The following PTPRN2 variants were observed in gnomAD, a reference collection of about 807,000 sequenced individuals.
PTPRN2 encodes protein tyrosine phosphatase receptor type N2.
In PTPRN2, 74 loss-of-function variants were observed where a neutral mutation model predicts 118.8. The ratio of observed to expected loss-of-function variants is 0.62; its 90% CI spans 0.52 to 0.76. PTPRN2 has a LOEUF of 0.76. Among genes scored for constraint, PTPRN2 ranks in the 30% least tolerant of loss-of-function variants. PTPRN2 has a pLI of 0.00. For synonymous variants in PTPRN2, 641 were observed against 608.0 expected (o/e 1.05, Z -0.80); for missense variants, 1,481 against 1,394.4 (o/e 1.06, Z -0.99).
At chr7:158,380,328 A>G (rs946239049) in intron 2 of PTPRN2, among the ~76,000 whole-genome samples, 12 of 152,236 alleles carry the variant, frequency 7.9e-5, no homozygotes, top group African/African-American at 2.2e-4. Flanking sequence ...TCCTAGACAT[A>G]ATGGAGGCAT....
At chr7:157,943,519 A>C in intron 11 of PTPRN2, among the ~76,000 whole-genome samples, 1 of 151,766 alleles carries the variant, frequency 6.6e-6, no homozygotes, top group South Asian at 2.1e-4. Flanking sequence ...CTGCTCCTGG[A>C]CCTGTTGGTT....
intron 15 of PTPRN2, among the ~76,000 whole-genome samples, chr7:157,614,705 G>A (rs2150614138): frequency 6.6e-6 from 1 of 152,314 alleles, no homozygotes; most frequent in African/African-American, 2.4e-5. Flanking sequence ...GGCCTCTAGA[G>A]AGGCCAGTAA....
chr7:157,721,682 G>C (rs6964623), intron 12 of PTPRN2, among the ~76,000 whole-genome samples: 85,823 of 151,494 alleles, frequency 0.57, 25,260 homozygotes, highest in Non-Finnish European at 0.62. Context: ...TGTGTGTCTC[G>C]ACACTGTGGC....
chr7:157,556,970 C>T (rs1194855319), intron 21 of PTPRN2, among the ~76,000 whole-genome samples: 1 of 151,540 alleles, frequency 6.6e-6, no homozygotes, highest in Non-Finnish European at 1.5e-5. Flanking sequence ...CATATGCACA[C>T]ACATGCACAC....
At chr7:158,533,968 C>A (rs1225438114) in intron 1 of PTPRN2, among the ~76,000 whole-genome samples, 1 of 152,358 alleles carries the variant, frequency 6.6e-6, no homozygotes, top group Non-Finnish European at 1.5e-5. Context: ...CAGGGGCTAC[C>A]CTCCCTGGGC....
chr7:158,002,398 C>T (rs911955851), intron 11 of PTPRN2, among the ~76,000 whole-genome samples: 6 of 152,110 alleles, frequency 3.9e-5, no homozygotes, highest in Admixed American at 2.0e-4. Flanking sequence ...TCCAGTTTCA[C>T]GGTGAGGGGA....
intron 12 of PTPRN2, among the ~76,000 whole-genome samples, chr7:157,788,521 C>T (rs1269913854): frequency 2.6e-5 from 4 of 152,206 alleles, no homozygotes; most frequent in Non-Finnish European, 2.9e-5. Flanking sequence ...CAGGCCTCCA[C>T]GGGGCTGGAG....
At chr7:158,078,147 A>C (rs950237081) in intron 11 of PTPRN2, among the ~76,000 whole-genome samples, 2 of 152,174 alleles carry the variant, frequency 1.3e-5, no homozygotes, top group Admixed American at 1.3e-4. Context: ...TTTGATGGGG[A>C]CTAATGTGGG....
At position 157,769,066 on chromosome 7, in the gene PTPRN2, C is replaced by A. The variant is rs187157040; in HGVS notation, c.1789-86129G>T. On this transcript the variant is annotated intron_variant, in intron 12 of 22. Transcript: ENST00000389418. ...TGTTGGCATAATTTTTCATGATCAT[C>A]TTCATTAACCACAGCGAACGGGAGG... 2.9e-3 allele frequency among the ~76,000 whole-genome samples: 440 copies of A among 152,302 alleles called. 2 individuals are homozygous for A. Among genetic ancestry groups the A allele is most frequent in the South Asian group, 6.8e-3 (33 of 4,818 alleles).
chr7:158,262,488 CACAT>C (rs1223688159), intron 3 of PTPRN2, among the ~76,000 whole-genome samples: 6 of 129,106 alleles, frequency 4.6e-5, no homozygotes, highest in East Asian at 2.3e-4. Context: ...ACGCTGCACA[CACAT>C]ACATGCACAC....
At chr7:157,701,483 C>T (rs771000470) in intron 12 of PTPRN2, among the ~76,000 whole-genome samples, 1 of 152,326 alleles carries the variant, frequency 6.6e-6, no homozygotes, top group South Asian at 2.1e-4. Flanking sequence ...TCACAGGCAT[C>T]GTGTGAGCAC....
chr7:157,648,402 A>T (rs1585167271), intron 14 of PTPRN2, among the ~76,000 whole-genome samples: 2 of 109,218 alleles, frequency 1.8e-5, no homozygotes, highest in East Asian at 1.0e-3. Flanking sequence ...GGTCGGACCC[A>T]TTCACTGTGC....
intron 6 of PTPRN2, among the ~76,000 whole-genome samples, chr7:158,148,508 C>G (rs373469754): frequency 0.029 from 2,504 of 87,816 alleles, no homozygotes; most frequent in Non-Finnish European, 0.038. Context: ...GTCTTTCCCC[C>G]TCACTGACAC....
intron 13 of PTPRN2, among the ~76,000 whole-genome samples, chr7:157,659,866 C>T (rs540091401): frequency 6.8e-4 from 104 of 152,116 alleles, no homozygotes; most frequent in Admixed American, 1.8e-3. Flanking sequence ...TGCCTCACTC[C>T]CCTGATTAGC....
intron 12 of PTPRN2, among the ~76,000 whole-genome samples, chr7:157,811,873 G>T (rs1806063854): frequency 6.6e-6 from 1 of 152,092 alleles, no homozygotes; most frequent in Non-Finnish European, 1.5e-5. Flanking sequence ...ACATTTTGGG[G>T]TCCCTGGAAC....
At chr7:158,493,840 T>G (rs1821628721) in intron 1 of PTPRN2, among the ~76,000 whole-genome samples, 1 of 151,062 alleles carries the variant, frequency 6.6e-6, no homozygotes, top group Admixed American at 6.6e-5. Context: ...CATACACACA[T>G]GCACACACTC....
At chr7:158,074,130 T>C (rs1426288626) in intron 11 of PTPRN2, among the ~76,000 whole-genome samples, 3 of 152,128 alleles carry the variant, frequency 2.0e-5, no homozygotes, top group African/African-American at 7.2e-5. Flanking sequence ...CTTGGGAAAC[T>C]CAGCGACGCC....
intron 12 of PTPRN2, among the ~76,000 whole-genome samples, chr7:157,694,417 C>T (rs1422430498): frequency 6.6e-6 from 1 of 152,200 alleles, no homozygotes; most frequent in African/African-American, 2.4e-5. Flanking sequence ...CCCCTTCCTC[C>T]CACCACCCCT....
intron 12 of PTPRN2, among the ~76,000 whole-genome samples, chr7:157,880,809 G>C (rs56162168): frequency 0.16 from 24,227 of 152,214 alleles, 2,082 homozygotes; most frequent in East Asian, 0.21. Context: ...TGCCTTGGTA[G>C]AATTTTTCAC....
Sources: gnomAD v4.1 joint callset for allele counts (sites outside exome capture counted in the v4.1 genomes callset) on GRCh38, gnomAD v4.1.1 for gene constraint, MANE v1.5 for transcripts, NCBI Gene and HGNC (gene_info 2026-07-23, HGNC 2026-07-21) for gene names.